Variants in NRG3 observed in about 807,000 individuals in gnomAD.
The protein encoded by NRG3 is pro-neuregulin-3, membrane-bound isoform.
A neutral mutation model predicts 66.9 loss-of-function variants in NRG3; 31 were observed. The ratio of observed to expected loss-of-function variants is 0.46; its 90% confidence interval spans 0.35 to 0.63. NRG3 has a LOEUF of 0.63. NRG3 is among the 20% of genes least tolerant of loss of function. NRG3 has a pLI of 0.00. For missense variants in NRG3, 910 were observed against 878.9 expected (o/e 1.04, Z -0.45); for synonymous variants, 393 against 359.4 (o/e 1.09, Z -1.06).
At chr10:82,699,480 T>C (rs80095992) in intron 2 of NRG3, among the ~76,000 whole-genome samples, 3,329 of 152,276 alleles carry the variant, frequency 0.022, 141 homozygotes, top group African/African-American at 0.076. Context: ...TCCAAAATTG[T>C]AGCTGCATCC....
At chr10:81,891,371 G>T (rs149942752) in intron 1 of NRG3, among the ~76,000 whole-genome samples, 4 of 152,266 alleles carry the variant, frequency 2.6e-5, no homozygotes, top group Non-Finnish European at 5.9e-5. Context: ...ATGTGCTGTT[G>T]GCAATATGGC....
At chr10:82,182,002 A>C (rs2073453513) in intron 1 of NRG3, among the ~76,000 whole-genome samples, 1 of 151,770 alleles carries the variant, frequency 6.6e-6, no homozygotes, top group Admixed American at 6.6e-5. Flanking sequence ...ATCATTATAT[A>C]ATATCCTTGC....
At chr10:82,025,811 A>G (rs986496747) in intron 1 of NRG3, among the ~76,000 whole-genome samples, 1 of 152,028 alleles carries the variant, frequency 6.6e-6, no homozygotes, top group Admixed American at 6.6e-5. Flanking sequence ...TATATCGTCT[A>G]TTTACTTACT....
intron 1 of NRG3, among the ~76,000 whole-genome samples, chr10:82,147,711 T>G (rs1330393671): frequency 1.3e-5 from 2 of 152,214 alleles, no homozygotes; most frequent in Non-Finnish European, 2.9e-5. Context: ...ATTCATGGTA[T>G]TTATCAGTAA....
intron 3 of NRG3, among the ~76,000 whole-genome samples, chr10:82,816,935 G>A (rs1353776462): frequency 6.6e-6 from 1 of 152,226 alleles, no homozygotes; most frequent in African/African-American, 2.4e-5. Flanking sequence ...CACTTTGTAT[G>A]GAGGAATATG....
rs111405517 is a variant in NRG3, at chr10:82,567,454, G to T, written c.954-171123G>T. Among the ~76,000 whole-genome samples, 486 of 152,000 alleles carry T rather than the reference G, an allele frequency of 3.2e-3. 4 individuals carry two copies. The highest frequency in any genetic ancestry group is 0.011 in the African/African-American group (476 of 41,490). ...CAGTTAAAATTTAGTGTCTGCCTGGGTATAAAGAATGTATTATATCTGGTA... is the reference window on the plus strand; with the variant it reads ...CAGTTAAAATTTAGTGTCTGCCTGGTTATAAAGAATGTATTATATCTGGTA... On this transcript the variant is annotated intron_variant, in intron 2 of 8. Coordinates refer to ENST00000372141, the MANE Select transcript of NRG3 (RefSeq NM_001010848.4).
At chr10:82,404,960 T>G (rs1033985133) in intron 2 of NRG3, among the ~76,000 whole-genome samples, 5 of 152,116 alleles carry the variant, frequency 3.3e-5, no homozygotes, top group Non-Finnish European at 7.3e-5. Flanking sequence ...GGATTAAATC[T>G]TTCACTCATC....
At chr10:82,673,530 T>A (rs1417136036) in intron 2 of NRG3, among the ~76,000 whole-genome samples, 1 of 152,180 alleles carries the variant, frequency 6.6e-6, no homozygotes, top group South Asian at 2.1e-4. Flanking sequence ...GGAATTAAGG[T>A]GACATAGATT....
intron 1 of NRG3, among the ~76,000 whole-genome samples, chr10:82,069,721 A>G (rs1183634509): frequency 6.6e-6 from 1 of 152,216 alleles, no homozygotes; most frequent in Non-Finnish European, 1.5e-5. Context: ...TAAAACCTAT[A>G]TCAAAAATCA....
intron 6 of NRG3, among the ~76,000 whole-genome samples, chr10:82,965,978 T>C (rs1414656858): frequency 2.0e-5 from 3 of 152,162 alleles, no homozygotes; most frequent in African/African-American, 7.2e-5. Flanking sequence ...TTTATGTTAT[T>C]TTCTATTTTC....
chr10:82,899,777 A>C (rs774767228), intron 4 of NRG3, among the ~76,000 whole-genome samples: 1 of 152,204 alleles, frequency 6.6e-6, no homozygotes, highest in Non-Finnish European at 1.5e-5. Flanking sequence ...TTTAAATCAG[A>C]CAAACTGGAT....
chr10:82,879,467 CTTTTTTTTTTT>C (rs201614818), intron 4 of NRG3, among the ~76,000 whole-genome samples: 3 of 121,848 alleles, frequency 2.5e-5, no homozygotes, highest in African/African-American at 3.1e-5. Context: ...CTAATGAAGA[CTTTTTTTTTTT>C]TTTTTTTTTT....
intron 3 of NRG3, among the ~76,000 whole-genome samples, chr10:82,751,135 CCTAA>C (rs1458631621): frequency 4.6e-5 from 7 of 152,088 alleles, no homozygotes; most frequent in African/African-American, 1.7e-4. Context: ...TCCTGGCTCC[CCTAA>C]CTATTTTTAG....
intron 7 of NRG3, 87 bp downstream of exon 7, chr10:82,974,002 T>C: frequency 3.4e-6 from 5 of 1,466,830 alleles, no homozygotes; most frequent in Non-Finnish European, 3.8e-6. Context: ...CAGCATGACT[T>C]AGGAGAGACA....
At chr10:82,355,020 A>G (rs926646057) in intron 1 of NRG3, among the ~76,000 whole-genome samples, 1 of 152,232 alleles carries the variant, frequency 6.6e-6, no homozygotes, top group Non-Finnish European at 1.5e-5. Flanking sequence ...TTATTTACCA[A>G]ATTACATTCC....
chr10:82,446,523 A>T (rs2090734353), intron 2 of NRG3, among the ~76,000 whole-genome samples: 1 of 152,176 alleles, frequency 6.6e-6, no homozygotes, highest in African/African-American at 2.4e-5. Flanking sequence ...TCCTCAGCAA[A>T]CTAATGCAAA....
intron 1 of NRG3, among the ~76,000 whole-genome samples, chr10:82,115,120 T>TA (rs1160137421): frequency 6.6e-6 from 1 of 152,088 alleles, no homozygotes; most frequent in Non-Finnish European, 1.5e-5. Context: ...AGTGGAGACT[T>TA]AGAGTACCCC....
At chr10:82,371,654 T>C (rs1200901301) in intron 2 of NRG3, among the ~76,000 whole-genome samples, 1 of 152,028 alleles carries the variant, frequency 6.6e-6, no homozygotes, top group Non-Finnish European at 1.5e-5. Flanking sequence ...GGGTAATTTA[T>C]AAAGAAAAAA....
chr10:82,639,546 T>C (rs921795136), intron 2 of NRG3, among the ~76,000 whole-genome samples: 1 of 152,166 alleles, frequency 6.6e-6, no homozygotes, highest in Non-Finnish European at 1.5e-5. Flanking sequence ...ATAAAGACAA[T>C]GGGATATTTA....
Sources: allele counts gnomAD v4.1 joint callset (sites outside exome capture counted in the v4.1 genomes callset), GRCh38; gene constraint gnomAD v4.1.1; transcripts MANE v1.5; gene names NCBI Gene and HGNC (gene_info 2026-07-23, HGNC 2026-07-21).